Variants in RPS6KC1 observed in about 807,000 individuals in gnomAD.
The protein encoded by RPS6KC1 is ribosomal protein S6 kinase C1.
A neutral mutation model predicts 103.8 loss-of-function variants in RPS6KC1; 54 were observed. The observed-to-expected ratio is 0.52, with a 90% CI of 0.42 to 0.65. The LOEUF (loss-of-function observed/expected upper bound fraction) is 0.65, where lower values mean the gene tolerates loss of function less well. Ranked by LOEUF, RPS6KC1 falls within the 30% of genes least tolerant of loss-of-function variation. The pLI is 0.00. For missense variants in RPS6KC1, 1,151 were observed against 1,253.8 expected (o/e 0.92, Z 1.24); for synonymous variants, 439 against 438.7 (o/e 1.00, Z -0.01).
At chr1:213,748,580 A>G in the RPS6KC1 span, among the ~76,000 whole-genome samples, 1 of 152,202 alleles carries the variant, frequency 6.6e-6, no homozygotes, top group African/African-American at 2.4e-5. Context: ...TATGCCAATT[A>G]TTTATATAGG....
At chr1:213,074,621 T>C (rs1424649075) in intron 2 of RPS6KC1, among the ~76,000 whole-genome samples, 1 of 152,122 alleles carries the variant, frequency 6.6e-6, no homozygotes, top group Admixed American at 6.6e-5. Context: ...TTAGGTATTT[T>C]GGTTCTGCAG....
chr1:213,307,443 C>T, the RPS6KC1 span, among the ~76,000 whole-genome samples: 2 of 152,116 alleles, frequency 1.3e-5, no homozygotes, highest in South Asian at 2.1e-4. Context: ...AAACTGAAGG[C>T]GTAAGGACGT....
At position 213,051,321 on chromosome 1, in the gene RPS6KC1, G is replaced by C; in HGVS notation, c.-84G>C. 9.6e-7 allele frequency: 1 copy of C among 1,038,358 alleles called. No individual in the cohort carries two copies. The highest frequency in any genetic ancestry group is 1.5e-6 in the Non-Finnish European group (1 of 679,678). 64.3% of individuals were successfully genotyped at this position (1,038,358 alleles called of 1,614,324 possible). On this transcript the variant is annotated 5_prime_UTR_variant, in exon 1 of 15. Coordinates refer to ENST00000366960, the MANE Select transcript of RPS6KC1 (RefSeq NM_012424.6). ...ACCGCCCCCTCGCCGCTTCGCCGCTGCGTTGGGGAACCTGGACCGCGGCGG... is the reference window on the plus strand; with the variant it reads ...ACCGCCCCCTCGCCGCTTCGCCGCTCCGTTGGGGAACCTGGACCGCGGCGG...
At chr1:213,629,617 C>T in the RPS6KC1 span, among the ~76,000 whole-genome samples, 5 of 152,020 alleles carry the variant, frequency 3.3e-5, no homozygotes, top group African/African-American at 1.2e-4. Context: ...TGAATTTGAT[C>T]CTGTCATTAT....
At chr1:213,230,578 T>C (rs2094071705) in intron 9 of RPS6KC1, 34 bp downstream of exon 9, 1 of 1,555,776 alleles carries the variant, frequency 6.4e-7, no homozygotes, top group Non-Finnish European at 8.8e-7. Context: ...GCGGTGCCTA[T>C]AATTCCAGCA....
chr1:213,520,685 G>A, the RPS6KC1 span, among the ~76,000 whole-genome samples: 2 of 152,024 alleles, frequency 1.3e-5, no homozygotes, highest in Admixed American at 1.3e-4. Flanking sequence ...AGAAGATAAG[G>A]CAAGAAAGAG....
the RPS6KC1 span, among the ~76,000 whole-genome samples, chr1:213,282,281 C>A: frequency 3.3e-5 from 5 of 152,218 alleles, no homozygotes; most frequent in African/African-American, 1.2e-4. Context: ...CGGACTATAG[C>A]TTTGATGCTG....
chr1:213,740,878 T>C, the RPS6KC1 span, among the ~76,000 whole-genome samples: 10 of 86,316 alleles, frequency 1.2e-4, no homozygotes, highest in African/African-American at 4.0e-4. Flanking sequence ...CTCAGATATA[T>C]GTACACATAT....
chr1:213,257,660 A>T (rs1386602405), intron 12 of RPS6KC1, among the ~76,000 whole-genome samples: 2 of 152,190 alleles, frequency 1.3e-5, no homozygotes, highest in African/African-American at 4.8e-5. Flanking sequence ...TGCTGCTATC[A>T]TTATTGCAAT....
chr1:213,497,494 G>A, the RPS6KC1 span, among the ~76,000 whole-genome samples: 2 of 151,760 alleles, frequency 1.3e-5, no homozygotes, highest in East Asian at 1.9e-4. Context: ...AATCATATAA[G>A]GATATTACAA....
At chr1:213,466,780 A>G in the RPS6KC1 span, among the ~76,000 whole-genome samples, 1 of 152,146 alleles carries the variant, frequency 6.6e-6, no homozygotes, top group South Asian at 2.1e-4. Flanking sequence ...GGGTTGAGAT[A>G]AGAATATATG....
At chr1:213,734,597 G>C in the RPS6KC1 span, among the ~76,000 whole-genome samples, 4 of 152,194 alleles carry the variant, frequency 2.6e-5, no homozygotes, top group African/African-American at 9.7e-5. Flanking sequence ...ATCTTATGCA[G>C]CTGTATGAAA....
chr1:213,438,792 C>CTTT, the RPS6KC1 span, among the ~76,000 whole-genome samples: 21 of 129,716 alleles, frequency 1.6e-4, no homozygotes, highest in African/African-American at 2.5e-4. Context: ...ATCTTGGTTT[C>CTTT]TTTTTTTTTT....
the RPS6KC1 span, among the ~76,000 whole-genome samples, chr1:213,627,603 A>G: frequency 6.6e-6 from 1 of 152,160 alleles, no homozygotes; most frequent in Admixed American, 6.6e-5. Flanking sequence ...TCCCATCAAT[A>G]CCTAATTTAT....
At chr1:213,657,191 T>G in the RPS6KC1 span, among the ~76,000 whole-genome samples, 2 of 151,980 alleles carry the variant, frequency 1.3e-5, no homozygotes, top group Non-Finnish European at 2.9e-5. Flanking sequence ...GAAAGAGACA[T>G]ATGTGAGGCA....
At chr1:213,529,770 G>A in the RPS6KC1 span, among the ~76,000 whole-genome samples, 1 of 152,082 alleles carries the variant, frequency 6.6e-6, no homozygotes, top group Non-Finnish European at 1.5e-5. Flanking sequence ...GTGTGTTTTA[G>A]CTCACCATTG....
At chr1:213,835,456 G>A in the RPS6KC1 span, among the ~76,000 whole-genome samples, 1 of 152,346 alleles carries the variant, frequency 6.6e-6, no homozygotes, top group African/African-American at 2.4e-5. Flanking sequence ...ATGGAAGGCA[G>A]GTGAGAGGAA....
chr1:213,098,714 TACTGATCATAGATC>T (rs1445939453), intron 3 of RPS6KC1, among the ~76,000 whole-genome samples: 1 of 152,152 alleles, frequency 6.6e-6, no homozygotes, highest in Non-Finnish European at 1.5e-5. Context: ...TACCAAAGAT[TACTGATCATAGATC>T]ACTACAACAG....
At chr1:213,137,752 G>GCGCGCTCTCT (rs1553340080) in intron 6 of RPS6KC1, among the ~76,000 whole-genome samples, 3 of 12,208 alleles carry the variant, frequency 2.5e-4, no homozygotes, top group African/African-American at 5.5e-4. Context: ...AGTCCAGTTT[G>GCGCGCTCTCT]CTCTCTCTCT....
Sources: allele counts gnomAD v4.1 joint callset (sites outside exome capture counted in the v4.1 genomes callset), GRCh38; gene constraint gnomAD v4.1.1; transcripts MANE v1.5; gene names NCBI Gene and HGNC (gene_info 2026-07-23, HGNC 2026-07-21).